GLRA2: variants seen among roughly 807,000 people sequenced by gnomAD.
The protein encoded by GLRA2 is glycine receptor alpha 2, also known as glycine receptor subunit alpha-2.
Under a neutral mutation model 31.6 loss-of-function variants are expected in GLRA2, and 11 were observed. The observed-to-expected ratio is 0.35, with a 90% CI of 0.22 to 0.58. The LOEUF (loss-of-function observed/expected upper bound fraction) is 0.58. GLRA2 is among the 20% of genes least tolerant of loss of function. The pLI, the probability that GLRA2 is intolerant of heterozygous loss-of-function variation, is 0.84. For synonymous variants in GLRA2, 132 were observed against 134.0 expected (o/e 0.99, Z 0.10); for missense variants, 212 against 351.8 (o/e 0.60, Z 3.18).
intron 7 of GLRA2, among the ~76,000 whole-genome samples, chrX:14,618,151 C>A (rs1446254748): frequency 8.9e-6 from 1 of 111,959 alleles, no homozygotes; most frequent in Admixed American, 9.5e-5. Context: ...AGGAAGCTTT[C>A]TCAAATTCTT....
chrX:14,513,775 G>T, the GLRA2 span, among the ~76,000 whole-genome samples: 1 of 111,565 alleles, frequency 9.0e-6, no homozygotes, highest in African/African-American at 3.3e-5. Flanking sequence ...ATAGATGTTG[G>T]CATGGATGTG....
chrX:14,453,067 A>G, the GLRA2 span, among the ~76,000 whole-genome samples: 34 of 111,736 alleles, frequency 3.0e-4, no homozygotes, highest in African/African-American at 1.1e-3. Flanking sequence ...GCAGGTTTAT[A>G]ATCTTATGGA....
the GLRA2 span, among the ~76,000 whole-genome samples, chrX:14,463,263 G>A: frequency 1.7e-4 from 19 of 111,293 alleles, no homozygotes; most frequent in Admixed American, 1.4e-3. Flanking sequence ...GGTGTCTGTC[G>A]GCACCTACTG....
At position 14,649,610 on chromosome X, in the gene GLRA2, A is replaced by T. The variant is rs1433314164; in HGVS notation, c.930+40405A>T. On this transcript the variant is annotated intron_variant, in intron 7 of 8. Transcript: ENST00000218075. ...AAACTCATGACCTTGTAATTTAAAA[A>T]AGTTAGGCCACTTTAAATTAATTGT... Among the ~76,000 whole-genome samples, 3 of 112,082 alleles carry T rather than the reference A, an allele frequency of 2.7e-5. No homozygotes were observed. The East Asian group carries it at 8.3e-4, about 31-fold the overall frequency.
chrX:14,478,202 C>T, the GLRA2 span, among the ~76,000 whole-genome samples: 2 of 110,876 alleles, frequency 1.8e-5, no homozygotes, highest in Non-Finnish European at 3.8e-5. Context: ...TAAGCACTTA[C>T]TCTAATCCAT....
At chrX:14,570,363 T>C (rs1436729664) in intron 2 of GLRA2, among the ~76,000 whole-genome samples, 1 of 112,597 alleles carries the variant, frequency 8.9e-6, no homozygotes, top group Non-Finnish European at 1.9e-5. Context: ...TATTCAACAG[T>C]GCTTTCCAAA....
chrX:14,636,713 C>A (rs2090713454), intron 7 of GLRA2, among the ~76,000 whole-genome samples: 1 of 111,625 alleles, frequency 9.0e-6, no homozygotes, highest in Admixed American at 9.5e-5. Flanking sequence ...GATAAATGTA[C>A]CACGCCATAG....
chrX:14,679,100 A>ACAC (rs748032911), intron 7 of GLRA2, among the ~76,000 whole-genome samples: 109 of 109,865 alleles, frequency 9.9e-4, no homozygotes, highest in Admixed American at 2.6e-3. Flanking sequence ...CTCAACATAC[A>ACAC]CACCACCACC....
intron 7 of GLRA2, among the ~76,000 whole-genome samples, chrX:14,658,792 A>G (rs962616843): frequency 8.9e-6 from 1 of 112,168 alleles, no homozygotes; most frequent in Non-Finnish European, 1.9e-5. Context: ...AAAAAAGAAA[A>G]GGCAATGGCC....
intron 8 of GLRA2, among the ~76,000 whole-genome samples, chrX:14,710,188 G>A (rs1220100097): frequency 2.7e-5 from 3 of 111,925 alleles, no homozygotes; most frequent in Admixed American, 9.5e-5. Context: ...TAGTGATTGA[G>A]TTCTCAGTTC....
intron 2 of GLRA2, among the ~76,000 whole-genome samples, chrX:14,550,921 G>A (rs3027329): frequency 0.25 from 27,495 of 110,770 alleles, 3,269 homozygotes; most frequent in Non-Finnish European, 0.38. Flanking sequence ...GCACCCATGC[G>A]TATATTTCAC....
chrX:14,623,163 T>G (rs1482771558), intron 7 of GLRA2, among the ~76,000 whole-genome samples: 1 of 111,602 alleles, frequency 9.0e-6, no homozygotes, highest in Non-Finnish European at 1.9e-5. Context: ...CTGTTATTGG[T>G]GTATAGGAAA....
chrX:14,581,125 G>A, intron 3 of GLRA2, 58 bp from the exon 4 acceptor site: 1 of 705,146 alleles, frequency 1.4e-6, no homozygotes, highest in Admixed American at 2.2e-5. Context: ...AGAGAGAAAT[G>A]CAAATAGAAC....
rs761188667 is a variant in GLRA2, at chrX:14,730,216, G to A, written c.1090G>A (p.Val364Ile). ...RQKRQNKEED[V>I]TRESRFNFSG... ...GTCTTTATTCCGTCAGGAAGAAGAC[G>A]TTACTCGTGAAAGTCGTTTTAATTT... The change falls in exon 9 of 9, where the codon GTT becomes ATT. Residue 364 changes from valine (V) to isoleucine (I), a missense_variant. Transcript: ENST00000218075. 8 of 1,198,578 alleles carry A rather than the reference G, an allele frequency of 6.7e-6. No individual in the cohort carries two copies. In the East Asian group the frequency reaches 8.9e-5, roughly 13 times the overall value.
At chrX:14,491,175 T>G in the GLRA2 span, among the ~76,000 whole-genome samples, 1 of 112,290 alleles carries the variant, frequency 8.9e-6, no homozygotes, top group East Asian at 2.8e-4. Flanking sequence ...CAAATATTTT[T>G]TAAACATCAA....
chrX:14,701,282 C>T lies in GLRA2; in HGVS notation c.1080+10423C>T, dbSNP rs374698372. Among the ~76,000 whole-genome samples, 14 of 111,253 alleles carry T rather than the reference C, an allele frequency of 1.3e-4. No homozygotes were observed. In the East Asian group the frequency reaches 2.0e-3, roughly 16 times the overall value. On this transcript the variant is annotated intron_variant, in intron 8 of 8. Coordinates refer to ENST00000218075, the MANE Select transcript of GLRA2 (RefSeq NM_002063.4). ...TGTAGGGGCATCAATGTGCTGGATT[C>T]GGTGAGGTTCTCCAGAGGAGCTCAG...
chrX:14,463,912 T>A, the GLRA2 span, among the ~76,000 whole-genome samples: 2 of 111,718 alleles, frequency 1.8e-5, no homozygotes, highest in East Asian at 2.8e-4. Context: ...ATGAACCACG[T>A]ACCTCAGTTG....
chrX:14,577,759 C>T (rs1184012431), intron 3 of GLRA2, among the ~76,000 whole-genome samples: 2 of 111,670 alleles, frequency 1.8e-5, no homozygotes, highest in Non-Finnish European at 3.8e-5. Context: ...GTTAGAATTT[C>T]AACATATGAA....
At chrX:14,657,844 T>G (rs2090955213) in intron 7 of GLRA2, among the ~76,000 whole-genome samples, 1 of 112,187 alleles carries the variant, frequency 8.9e-6, no homozygotes, top group Non-Finnish European at 1.9e-5. Context: ...CTTTTTCACA[T>G]GTCATTTGAC....
Sources: allele counts gnomAD v4.1 joint callset (sites outside exome capture counted in the v4.1 genomes callset), GRCh38; gene constraint gnomAD v4.1.1; transcripts MANE v1.5; gene names NCBI Gene and HGNC (gene_info 2026-07-23, HGNC 2026-07-21).